The following CPVL variants were observed in gnomAD, a reference collection of about 807,000 sequenced individuals.
The protein encoded by CPVL is carboxypeptidase vitellogenic like.
CPVL carries 51 observed loss-of-function variants against 63.7 expected under a neutral mutation model. The ratio of observed to expected loss-of-function variants is 0.80; its 90% CI spans 0.64 to 1.01. The LOEUF (loss-of-function observed/expected upper bound fraction) is 1.01, where lower values mean the gene tolerates loss of function less well. Ranked by LOEUF, CPVL falls within the 50% of genes least tolerant of loss-of-function variation. The pLI, the probability that CPVL is intolerant of heterozygous loss-of-function variation, is 0.00. For synonymous variants in CPVL, 195 were observed against 206.0 expected (o/e 0.95, Z 0.46); for missense variants, 530 against 573.1 (o/e 0.92, Z 0.77).
intron 11 of CPVL, among the ~76,000 whole-genome samples, chr7:29,046,661 CCAGA>C (rs1562739620): frequency 6.6e-6 from 1 of 151,560 alleles, no homozygotes; most frequent in Non-Finnish European, 1.5e-5. Flanking sequence ...GGAACTATAA[CCAGA>C]CAGAGAAAAG....
intron 11 of CPVL, among the ~76,000 whole-genome samples, chr7:29,038,335 T>C (rs753586341): frequency 6.6e-6 from 1 of 152,196 alleles, no homozygotes; most frequent in Non-Finnish European, 1.5e-5. Flanking sequence ...TCTCTATTAC[T>C]CTTTCCACCA....
rs755835556 is a variant in CPVL, at chr7:29,112,795, A to G, written c.197T>C (p.Phe66Ser). ...ATAACTCTTCATGTTCAGTCCTGGG[A>G]AAGGGCCGACCAAACTCAATTCTCT... is the stretch of plus-strand genomic sequence containing the variant. ...KGRELSLVGPFPGLNMKSYAG... is the reference protein window; with the variant it reads ...KGRELSLVGPSPGLNMKSYAG... Residue 66 changes from phenylalanine to serine, a missense_variant, in exon 3 of 13, where the codon TTC (phenylalanine) becomes TCC (serine). By Grantham distance (155) the Phe-to-Ser change is radical. Coordinates refer to ENST00000265394, the MANE Select transcript of CPVL (RefSeq NM_031311.5). The G allele has an allele frequency of 6.2e-6, 10 of 1,613,636 alleles. No individual in the cohort carries two copies. The highest frequency in any genetic ancestry group is 1.7e-5 in the Admixed American group (1 of 59,972).
chr7:29,093,377 C>CAAAAA (rs371165878), intron 5 of CPVL, among the ~76,000 whole-genome samples: 38 of 69,630 alleles, frequency 5.5e-4, no homozygotes, highest in East Asian at 7.9e-4. Flanking sequence ...ACTCCGTCTC[C>CAAAAA]AAAAAAAAAA....
At chr7:29,084,290 C>G (rs1355059692) in intron 7 of CPVL, among the ~76,000 whole-genome samples, 1 of 152,230 alleles carries the variant, frequency 6.6e-6, no homozygotes, top group Non-Finnish European at 1.5e-5. Flanking sequence ...CCTGCCAAGC[C>G]TGTCCCCACT....
At chr7:29,078,918 T>C (rs1228183385) in intron 7 of CPVL, among the ~76,000 whole-genome samples, 2 of 152,352 alleles carry the variant, frequency 1.3e-5, no homozygotes, top group African/African-American at 2.4e-5. Context: ...TATTGGCAAG[T>C]GCAGATGAAC....
chr7:29,160,910 G>A (rs2128709635), intron 5 of CPVL, among the ~76,000 whole-genome samples: 1 of 152,276 alleles, frequency 6.6e-6, no homozygotes, highest in Admixed American at 6.5e-5. Flanking sequence ...AAAAGCTACA[G>A]ATTAATTTTA....
At chr7:29,010,585 G>A (rs1233757552) in intron 12 of CPVL, 1 of 152,172 alleles carries the variant, frequency 6.6e-6, no homozygotes, top group Admixed American at 6.5e-5. Context: ...TTAAAGTCAA[G>A]TTAAAACTGG....
chr7:29,133,349 GC>G (rs1407185337), intron 1 of CPVL, among the ~76,000 whole-genome samples: 2 of 152,164 alleles, frequency 1.3e-5, no homozygotes, highest in Non-Finnish European at 2.9e-5. Context: ...TGCTGACAGT[GC>G]CCCTTTGGCA....
chr7:29,176,619 G>T (rs937304430), intron 5 of CPVL, among the ~76,000 whole-genome samples: 4 of 152,098 alleles, frequency 2.6e-5, no homozygotes, highest in African/African-American at 9.7e-5. Flanking sequence ...CTTTAAAAGG[G>T]TATTTTTTAG....
intron 12 of CPVL, among the ~76,000 whole-genome samples, chr7:29,022,632 C>A (rs1787118132): frequency 6.6e-6 from 1 of 152,210 alleles, no homozygotes; most frequent in East Asian, 1.9e-4. Flanking sequence ...GACAATGGGC[C>A]CGCACAGGTT....
At chr7:29,158,791 T>C (rs1186770095) in intron 5 of CPVL, among the ~76,000 whole-genome samples, 1 of 152,200 alleles carries the variant, frequency 6.6e-6, no homozygotes, top group Non-Finnish European at 1.5e-5. Flanking sequence ...GTATTTGTGA[T>C]TTCACCCTAT....
intron 1 of CPVL, among the ~76,000 whole-genome samples, chr7:29,138,332 C>T (rs1259155748): frequency 1.3e-5 from 2 of 152,134 alleles, no homozygotes; most frequent in Non-Finnish European, 2.9e-5. Flanking sequence ...CCCAGCTATT[C>T]AGGAGGCTGA....
intron 9 of CPVL, among the ~76,000 whole-genome samples, chr7:29,067,169 G>T (rs1027574953): frequency 6.6e-6 from 1 of 152,150 alleles, no homozygotes; most frequent in Non-Finnish European, 1.5e-5. Flanking sequence ...TAGGGTATGA[G>T]AATCAGCAGC....
At chr7:29,121,238 C>G (rs1186256934) in intron 1 of CPVL, among the ~76,000 whole-genome samples, 167 bp from the exon 2 acceptor site, 1 of 152,108 alleles carries the variant, frequency 6.6e-6, no homozygotes, top group African/African-American at 2.4e-5. Flanking sequence ...TCCCTGCTTA[C>G]TCTTAAATTC....
chr7:29,020,169 C>A (rs1206344384), intron 12 of CPVL, among the ~76,000 whole-genome samples: 4 of 152,094 alleles, frequency 2.6e-5, no homozygotes, highest in Non-Finnish European at 5.9e-5. Flanking sequence ...GGATGCCAGG[C>A]CTGGGAGCAT....
chr7:29,086,226 A>G (rs1785185456), intron 7 of CPVL, among the ~76,000 whole-genome samples: 1 of 152,104 alleles, frequency 6.6e-6, no homozygotes. Context: ...CAGGAGGCGC[A>G]GGTTGCAGTG....
intron 3 of CPVL, among the ~76,000 whole-genome samples, chr7:29,107,323 C>A (rs1408995586): frequency 6.6e-6 from 1 of 152,214 alleles, no homozygotes; most frequent in African/African-American, 2.4e-5. Flanking sequence ...AGGCTGGCTA[C>A]CACACAGGCC....
chr7:29,182,810 G>T (rs1000453467), intron 4 of CPVL, among the ~76,000 whole-genome samples: 1 of 152,116 alleles, frequency 6.6e-6, no homozygotes, highest in African/African-American at 2.4e-5. Context: ...CCTTGGACAG[G>T]GTAGATGAGA....
intron 6 of CPVL, among the ~76,000 whole-genome samples, chr7:29,091,409 T>A (rs1316704480): frequency 9.5e-6 from 1 of 105,514 alleles, no homozygotes; most frequent in East Asian, 2.6e-4. Context: ...GGATGGGAGG[T>A]GGGGGCGGGG....
Sources: allele counts gnomAD v4.1 joint callset (sites outside exome capture counted in the v4.1 genomes callset), GRCh38; gene constraint gnomAD v4.1.1; transcripts MANE v1.5; gene names NCBI Gene and HGNC (gene_info 2026-07-23, HGNC 2026-07-21).